The following ENTREP2 variants were observed in gnomAD, a reference collection of about 807,000 sequenced individuals.
The protein encoded by ENTREP2 is protein ENTREP2.
chr15:29,670,185 T>G, the ENTREP2 span, among the ~76,000 whole-genome samples: 1 of 152,088 alleles, frequency 6.6e-6, no homozygotes, highest in Admixed American at 6.5e-5. Context: ...GGATCCATGG[T>G]GGGGGCTGGG....
the ENTREP2 span, among the ~76,000 whole-genome samples, chr15:29,414,004 C>T: frequency 6.6e-6 from 1 of 152,040 alleles, no homozygotes; most frequent in Non-Finnish European, 1.5e-5. Flanking sequence ...TAAAGCAAGT[C>T]CTTAGTGACC....
chr15:29,307,679 C>T, the ENTREP2 span, among the ~76,000 whole-genome samples: 2 of 152,130 alleles, frequency 1.3e-5, no homozygotes, highest in Non-Finnish European at 2.9e-5. Context: ...AGGGTCCTGA[C>T]CCACAAGGAT....
chr15:29,440,208 T>C, the ENTREP2 span, among the ~76,000 whole-genome samples: 147 of 152,228 alleles, frequency 9.7e-4, 1 homozygote, highest in Admixed American at 2.0e-3. Flanking sequence ...AAAAAGTCTG[T>C]AGTTTAGTTA....
the ENTREP2 span, among the ~76,000 whole-genome samples, chr15:29,624,907 G>A: frequency 6.2e-5 from 9 of 146,196 alleles, no homozygotes; most frequent in South Asian, 6.5e-4. Context: ...GTGTGTGTGT[G>A]TATAGTTTTA....
chr15:29,313,105 G>A, the ENTREP2 span, among the ~76,000 whole-genome samples: 2 of 152,178 alleles, frequency 1.3e-5, no homozygotes, highest in Non-Finnish European at 2.9e-5. Flanking sequence ...AGCAAGGCCC[G>A]AACTCTCTTC....
chr15:29,272,421 G>A, the ENTREP2 span, among the ~76,000 whole-genome samples: 32 of 152,256 alleles, frequency 2.1e-4, no homozygotes, highest in African/African-American at 7.0e-4. Context: ...ACCACAGTCC[G>A]AAAATATTAG....
chr15:29,210,351 G>A, the ENTREP2 span, among the ~76,000 whole-genome samples: 3 of 152,200 alleles, frequency 2.0e-5, no homozygotes, highest in Non-Finnish European at 4.4e-5. Context: ...TCTGGCCCAT[G>A]CTGTCCCCTA....
At chr15:29,671,647 G>C in the ENTREP2 span, among the ~76,000 whole-genome samples, 2 of 152,210 alleles carry the variant, frequency 1.3e-5, no homozygotes, top group Non-Finnish European at 2.9e-5. Context: ...TTGCTTTGCT[G>C]TTCCAACATT....
chr15:29,124,609 T>G, the ENTREP2 span: 4 of 1,249,318 alleles, frequency 3.2e-6, no homozygotes, highest in South Asian at 5.3e-5. Flanking sequence ...TTGGAAACAA[T>G]GTAGCCAAGG....
At chr15:29,395,239 G>C in the ENTREP2 span, among the ~76,000 whole-genome samples, 1 of 151,762 alleles carries the variant, frequency 6.6e-6, no homozygotes, top group Non-Finnish European at 1.5e-5. Flanking sequence ...ACCTCATTCT[G>C]TTGAGCCACT....
At chr15:29,236,936 T>C in the ENTREP2 span, among the ~76,000 whole-genome samples, 1 of 151,886 alleles carries the variant, frequency 6.6e-6, no homozygotes, top group African/African-American at 2.4e-5. Flanking sequence ...AAAACAACCA[T>C]AAACCAATAC....
chr15:29,134,830 A>G, the ENTREP2 span, among the ~76,000 whole-genome samples: 1 of 152,118 alleles, frequency 6.6e-6, no homozygotes, highest in Non-Finnish European at 1.5e-5. Context: ...GGCTCTCGGG[A>G]TCTCAAAGTG....
At chr15:29,447,080 G>C in the ENTREP2 span, among the ~76,000 whole-genome samples, 1 of 152,100 alleles carries the variant, frequency 6.6e-6, no homozygotes, top group African/African-American at 2.4e-5. Context: ...TTTGTGGAGG[G>C]GGGTCACTAT....
chr15:29,444,760 T>C, the ENTREP2 span, among the ~76,000 whole-genome samples: 3 of 152,178 alleles, frequency 2.0e-5, no homozygotes, highest in South Asian at 6.2e-4. Flanking sequence ...CCATCACACC[T>C]GGCCGGCAGA....
the ENTREP2 span, among the ~76,000 whole-genome samples, chr15:29,563,402 A>AT: frequency 6.6e-6 from 1 of 151,956 alleles, no homozygotes; most frequent in African/African-American, 2.4e-5. Flanking sequence ...CTTCCTAAGA[A>AT]TATCTATTTG....
chr15:29,473,231 C>T, the ENTREP2 span, among the ~76,000 whole-genome samples: 6 of 152,084 alleles, frequency 3.9e-5, no homozygotes, highest in Non-Finnish European at 7.4e-5. Flanking sequence ...CTGCTCCCAC[C>T]CCCTCCTTTC....
At chr15:29,177,446 T>C in the ENTREP2 span, among the ~76,000 whole-genome samples, 1 of 152,232 alleles carries the variant, frequency 6.6e-6, no homozygotes, top group East Asian at 1.9e-4. Flanking sequence ...CTCTCACAGG[T>C]GTGACTATCA....
chr15:29,129,824 C>A, the ENTREP2 span, among the ~76,000 whole-genome samples: 1 of 152,144 alleles, frequency 6.6e-6, no homozygotes, highest in African/African-American at 2.4e-5. Flanking sequence ...GGATGTGATG[C>A]CAGCTACACA....
the ENTREP2 span, among the ~76,000 whole-genome samples, chr15:29,418,957 T>C: frequency 6.6e-6 from 1 of 152,226 alleles, no homozygotes; most frequent in Non-Finnish European, 1.5e-5. Flanking sequence ...GAGACTTAAA[T>C]TTTAACAAAA....
Sources: allele counts gnomAD v4.1 joint callset (sites outside exome capture counted in the v4.1 genomes callset), GRCh38; gene constraint gnomAD v4.1.1; transcripts MANE v1.5; gene names NCBI Gene and HGNC (gene_info 2026-07-23, HGNC 2026-07-21).